Variants in SIPA1L1 observed in about 807,000 individuals in gnomAD.
SIPA1L1 encodes signal induced proliferation associated 1 like 1.
A neutral mutation model predicts 162.7 loss-of-function variants in SIPA1L1; 26 were observed. The ratio of observed to expected loss-of-function variants is 0.16; its 90% CI spans 0.12 to 0.22. SIPA1L1 has a LOEUF of 0.22. SIPA1L1 is among the 10% of genes least tolerant of loss of function. The pLI is 1.00. For synonymous variants in SIPA1L1, 829 were observed against 837.4 expected (o/e 0.99, Z 0.17); for missense variants, 1,874 against 2,241.0 (o/e 0.84, Z 3.31).
In SIPA1L1 at chr14:71,521,359, TG is replaced by T. The variant is rs1156898076; in HGVS notation, c.-361-7952del. Among the ~76,000 whole-genome samples the T allele has an allele frequency of 2.2e-4, 33 of 152,306 alleles. 1 individual carries two copies. The East Asian group carries it at 6.0e-3, about 28-fold the overall frequency. On this transcript the variant is annotated intron_variant, in intron 3 of 23. Transcript: ENST00000381232. ...ATGAGTGGACAGTTGTGCAGAAGTCTGATTGGGCAAAGGGAGTATGAGGCAG... is the reference window on the plus strand; with the variant it reads ...ATGAGTGGACAGTTGTGCAGAAGTCTATTGGGCAAAGGGAGTATGAGGCAG...
At chr14:71,528,270 T>G (rs2053088116) in intron 3 of SIPA1L1, among the ~76,000 whole-genome samples, 1 of 152,214 alleles carries the variant, frequency 6.6e-6, no homozygotes, top group Non-Finnish European at 1.5e-5. Flanking sequence ...AAATCGAAGC[T>G]TATTTATCTA....
chr14:71,512,065 G>C (rs1484057804), intron 2 of SIPA1L1, among the ~76,000 whole-genome samples: 1 of 152,178 alleles, frequency 6.6e-6, no homozygotes, highest in Non-Finnish European at 1.5e-5. Flanking sequence ...ACTCAAGGAG[G>C]GGGTCATGGG....
intron 7 of SIPA1L1, among the ~76,000 whole-genome samples, chr14:71,645,234 T>C (rs1488787678): frequency 1.3e-5 from 2 of 152,218 alleles, no homozygotes; most frequent in African/African-American, 4.8e-5. Flanking sequence ...TCTTCCACTT[T>C]TAAGGACCTT....
chr14:71,598,677 C>T (rs2036340492), intron 5 of SIPA1L1, among the ~76,000 whole-genome samples: 2 of 152,102 alleles, frequency 1.3e-5, no homozygotes, highest in African/African-American at 4.8e-5. Context: ...GGGGATTGCA[C>T]ATAGTGGAAA....
At chr14:71,685,272 A>G in intron 12 of SIPA1L1, 90 bp from the exon 13 acceptor site, 1 of 1,398,404 alleles carries the variant, frequency 7.2e-7, no homozygotes, top group Non-Finnish European at 9.9e-7. Flanking sequence ...TTGTGGATCC[A>G]TTTTTAAGTG....
chr14:71,582,382 C>T (rs1280643528), intron 4 of SIPA1L1, among the ~76,000 whole-genome samples: 3 of 151,950 alleles, frequency 2.0e-5, no homozygotes, highest in East Asian at 1.9e-4. Context: ...AACTTGTTCC[C>T]GCATTCTTTA....
chr14:71,717,780 T>A (rs542176182), intron 17 of SIPA1L1, among the ~76,000 whole-genome samples: 2 of 152,346 alleles, frequency 1.3e-5, no homozygotes, highest in African/African-American at 2.4e-5. Context: ...CCCACAGCTG[T>A]GCCCAGAGAC....
intron 4 of SIPA1L1, among the ~76,000 whole-genome samples, chr14:71,570,820 T>C (rs1230590503): frequency 6.6e-6 from 1 of 152,316 alleles, no homozygotes; most frequent in East Asian, 1.9e-4. Flanking sequence ...GGAGTCTCGC[T>C]CTATCACCCA....
chr14:71,724,648 A>G, intron 18 of SIPA1L1, 22 bp from the exon 19 acceptor site: 1 of 1,604,066 alleles, frequency 6.2e-7, no homozygotes, highest in Non-Finnish European at 8.5e-7. Context: ...GGTATCTATC[A>G]TCTCTTCCCT....
At chr14:71,487,588 TG>T (rs2048876832) in intron 2 of SIPA1L1, among the ~76,000 whole-genome samples, 1 of 152,096 alleles carries the variant, frequency 6.6e-6, no homozygotes, top group South Asian at 2.1e-4. Flanking sequence ...TGAGTGTGCA[TG>T]GGTGAGCAGG....
intron 3 of SIPA1L1, among the ~76,000 whole-genome samples, chr14:71,513,089 C>T (rs2051328912): frequency 6.6e-6 from 1 of 152,198 alleles, no homozygotes; most frequent in Admixed American, 6.5e-5. Context: ...CCACCTTGGG[C>T]ACGTATTCTC....
At chr14:71,331,559 G>A (rs926009702) in intron 2 of SIPA1L1, among the ~76,000 whole-genome samples, 1 of 152,158 alleles carries the variant, frequency 6.6e-6, no homozygotes, top group Non-Finnish European at 1.5e-5. Flanking sequence ...AGTGGCTTGG[G>A]AAAGCTTCAA....
intron 5 of SIPA1L1, among the ~76,000 whole-genome samples, chr14:71,600,902 A>G (rs1271409983): frequency 2.0e-5 from 3 of 152,062 alleles, no homozygotes; most frequent in Non-Finnish European, 4.4e-5. Context: ...CTAATTCGTT[A>G]TTGGTGTAAA....
Position 71,683,636 on chromosome 14 carries a change from A to C in SIPA1L1, c.3105-1726A>C, listed in dbSNP as rs1042505821. 2.6e-5 allele frequency among the ~76,000 whole-genome samples: 4 copies of C among 152,226 alleles called. No homozygotes were observed. The South Asian group carries it at 8.3e-4, about 31-fold the overall frequency. On this transcript the variant is annotated intron_variant, in intron 12 of 23. Transcript: ENST00000381232. ...ACAACCAAAAAAGGGTTGCAGTGGCATATTTTTGTCATAAATATCAGAATC... is the reference window on the plus strand; with the variant it reads ...ACAACCAAAAAAGGGTTGCAGTGGCCTATTTTTGTCATAAATATCAGAATC...
chr14:71,627,106 T>G (rs2040077654), intron 7 of SIPA1L1, among the ~76,000 whole-genome samples: 1 of 147,496 alleles, frequency 6.8e-6, no homozygotes. Context: ...TTCTCCATCC[T>G]GATGCCTTTC....
intron 4 of SIPA1L1, among the ~76,000 whole-genome samples, chr14:71,553,032 A>G (rs138223758): frequency 1.4e-3 from 209 of 152,292 alleles, no homozygotes; most frequent in Non-Finnish European, 2.5e-3. Context: ...GATTGCCGAT[A>G]TCTCCAAATG....
chr14:71,625,163 A>G (rs756418335), intron 7 of SIPA1L1, among the ~76,000 whole-genome samples: 35 of 152,162 alleles, frequency 2.3e-4, no homozygotes, highest in Admixed American at 6.5e-4. Flanking sequence ...TTTGGATAGG[A>G]TTTCCTTAAT....
Position 71,730,224 on chromosome 14 carries a change from G to A in SIPA1L1, c.4784G>A (p.Ser1595Asn). ...DQALPNDVLF[S>N]STYPSLPKSL... Reference sequence around the variant, plus strand: ...GCCCTGCCCAACGACGTCCTCTTCAGTAGCACGTACCCTTCTCTCCCCAAG... The same window carrying A: ...GCCCTGCCCAACGACGTCCTCTTCAATAGCACGTACCCTTCTCTCCCCAAG... The change falls in exon 20 of 24, where the codon AGT becomes AAT. Residue 1595 changes from serine (S) to asparagine (N), a missense_variant. Ser to Asn is a conservative substitution (Grantham distance 46). This residue lies in a region of SIPA1L1 where 936 missense variants were observed against 1,051.9 expected (regional missense o/e 0.89). Transcript: ENST00000381232. 6.2e-7 allele frequency: 1 copy of A among 1,614,152 alleles called. No individual in the cohort carries two copies.
At chr14:71,541,723 T>C (rs1487628782) in intron 4 of SIPA1L1, among the ~76,000 whole-genome samples, 1 of 152,084 alleles carries the variant, frequency 6.6e-6, no homozygotes, top group African/African-American at 2.4e-5. Context: ...CAGTGAGCTA[T>C]AATTATGCTA....
Sources: gnomAD v4.1 joint callset for allele counts (sites outside exome capture counted in the v4.1 genomes callset) on GRCh38, gnomAD v4.1.1 for gene constraint, gnomAD v4.1.1 regional missense constraint, MANE v1.5 for transcripts, NCBI Gene and HGNC (gene_info 2026-07-23, HGNC 2026-07-21) for gene names.